Variants in PLK4 observed in about 807,000 individuals in gnomAD.
The protein encoded by PLK4 is serine/threonine-protein kinase PLK4.
In PLK4, 51 loss-of-function variants were observed where a neutral mutation model predicts 103.0. The ratio of observed to expected loss-of-function variants is 0.50; its 90% CI spans 0.40 to 0.63. PLK4 has a LOEUF of 0.63. PLK4 is among the 20% of genes least tolerant of loss of function. The pLI is 0.00. For synonymous variants in PLK4, 389 were observed against 376.8 expected (o/e 1.03, Z -0.38); for missense variants, 1,054 against 1,151.0 (o/e 0.92, Z 1.22).
Position 127,891,144 on chromosome 4 carries a change from C to T in PLK4, c.1883C>T (p.Ala628Val). 2 of 1,594,612 alleles carry T rather than the reference C, an allele frequency of 1.3e-6. No homozygotes were observed. Among genetic ancestry groups the T allele is most frequent in the Non-Finnish European group, 8.6e-7 (1 of 1,167,024 alleles). ...EVCVELVKEY[A>V]SQEYVKEVLQ... Reference sequence around the variant, plus strand: ...TGTGTGGAGCTTGTAAAGGAGTATGCATCTCAAGAATATGTGAAAGAAGTT... The same window carrying T: ...TGTGTGGAGCTTGTAAAGGAGTATGTATCTCAAGAATATGTGAAAGAAGTT... Residue 628 changes from alanine (A) to valine (V), a missense_variant, in exon 8 of 16, where the codon GCA (alanine) becomes GTA (valine). Physicochemically the swap from Ala to Val is moderately conservative, Grantham distance 64. Transcript: ENST00000270861.
intron 15 of PLK4, among the ~76,000 whole-genome samples, chr4:127,897,358 A>G (rs1259019390): frequency 6.6e-6 from 1 of 152,244 alleles, no homozygotes; most frequent in Admixed American, 6.5e-5. Context: ...TTGAATGTGT[A>G]TATTCATTCT....
In PLK4 at chr4:127,890,156, A is replaced by G; in HGVS notation, c.1750A>G (p.Asn584Asp). The G allele has an allele frequency of 1.9e-6, 3 of 1,613,972 alleles. No homozygotes were observed. The highest frequency in any genetic ancestry group is 2.5e-6 in the Non-Finnish European group (3 of 1,179,832). The stretch of plus-strand genomic sequence containing the variant: ...TATGGAGCCACCATGGGGTTATCAG[A>G]ATCGTACATTAAGAAGCATTACATC... ...RGMEPPWGYQ[N>D]RTLRSITSPL... is the part of the protein sequence containing the mutation. The change falls in exon 7 of 16, where the codon AAT (asparagine) becomes GAT (aspartate). Residue 584 changes from asparagine (N) to aspartate (D), a missense_variant. Physicochemically the swap from Asn to Asp is conservative, Grantham distance 23. Transcript: ENST00000270861.
intron 2 of PLK4, among the ~76,000 whole-genome samples, 193 bp from the exon 3 acceptor site, chr4:127,883,069 G>T (rs553474447): frequency 1.3e-5 from 2 of 152,206 alleles, no homozygotes; most frequent in East Asian, 3.9e-4. Context: ...AGAATTAATT[G>T]GTCAAACTTT....
intron 6 of PLK4, 83 bp from the exon 7 acceptor site, chr4:127,889,783 T>C (rs2148820399): frequency 1.0e-6 from 1 of 962,916 alleles, no homozygotes; most frequent in Admixed American, 2.7e-5. Context: ...CAAAAAATGC[T>C]ATTACAATCA....
In PLK4 at chr4:127,886,573, A is replaced by G; in HGVS notation, c.1203A>G (p.Ser401=). The change falls in exon 5 of 16, where the codon TCA becomes TCG. Residue 401 remains serine (S), a synonymous_variant. Transcript: ENST00000270861. ...CATATACAATGGAACGATGTCACTC[A>G]GCAGAAATGCTTTCAGTGTCCAAAA... ...AKTYTMERCH[S]AEMLSVSKRS... 2 of 1,614,182 alleles carry G rather than the reference A, an allele frequency of 1.2e-6. No homozygotes were observed. The highest frequency in any genetic ancestry group is 1.7e-5 in the Admixed American group (1 of 60,026).
rs748169670 is a variant in PLK4 at position 127,889,925 on chromosome 4, C to T, written c.1519C>T (p.His507Tyr). 12 of 1,613,602 alleles carry T rather than the reference C, an allele frequency of 7.4e-6. No homozygotes were observed. Among genetic ancestry groups the T allele is most frequent in the South Asian group, 1.1e-5 (1 of 91,054 alleles). Residue 507 changes from histidine (H) to tyrosine (Y), a missense_variant, in exon 7 of 16, where the codon CAT becomes TAT. By Grantham distance (83) the His-to-Tyr change is moderately conservative (BLOSUM62 2). Coordinates refer to ENST00000270861, the MANE Select transcript of PLK4 (RefSeq NM_014264.5). ...SISPNRDFQG[H>Y]PDLQKDTSKN... ...CAGCCCAAACCGGGACTTCCAGGGCCATCCAGATTTGCAGAAGGACACATC... is the reference window on the plus strand; with the variant it reads ...CAGCCCAAACCGGGACTTCCAGGGCTATCCAGATTTGCAGAAGGACACATC...
At chr4:127,881,776 C>T (rs1397711513) in intron 1 of PLK4, 55 bp from the exon 2 acceptor site, 9 of 1,045,118 alleles carry the variant, frequency 8.6e-6, no homozygotes, top group Admixed American at 1.8e-5. Flanking sequence ...AGCCCCTTCC[C>T]ATCTTCCTTT....
intron 6 of PLK4, among the ~76,000 whole-genome samples, chr4:127,888,281 C>G (rs1185431471): frequency 6.8e-6 from 1 of 146,122 alleles, no homozygotes; most frequent in African/African-American, 2.5e-5. Context: ...CAGCCACTGT[C>G]CTTAATGTTT....
In PLK4 at chr4:127,883,521, A is replaced by C; in HGVS notation, c.305A>C (p.Lys102Thr). The C allele has an allele frequency of 6.5e-7, 1 of 1,534,864 alleles. No individual in the cohort carries two copies. The highest frequency in any genetic ancestry group is 1.1e-5 in the South Asian group (1 of 88,830). The part of the protein sequence containing the change: ...CHNGEMNRYL[K>T]NRVKPFSENE... ...AATGGAGAAATGAACAGGTATCTAAAGAATAGAGTGAAACCCTTCTCAGAA... is the reference window on the plus strand; with the variant it reads ...AATGGAGAAATGAACAGGTATCTAACGAATAGAGTGAAACCCTTCTCAGAA... Residue 102 changes from lysine to threonine, a missense_variant, in exon 4 of 16, where the codon AAG (lysine) becomes ACG (threonine). By Grantham distance (78) the Lys-to-Thr change is moderately conservative. This residue lies in a region of PLK4 where 199 missense variants were observed against 270.1 expected (regional missense o/e 0.74). Transcript: ENST00000270861.
At chr4:127,893,127 T>G in intron 10 of PLK4, 158 bp from the exon 11 acceptor site, 1 of 482,322 alleles carries the variant, frequency 2.1e-6, no homozygotes, top group Non-Finnish European at 3.6e-6. Flanking sequence ...TCCATATTTA[T>G]TGAATGCTTT....
At chr4:127,894,492 T>C (rs1199118504) in intron 13 of PLK4, among the ~76,000 whole-genome samples, 1 of 151,960 alleles carries the variant, frequency 6.6e-6, no homozygotes. Context: ...CCTCCCAAAG[T>C]GCTGGGATTA....
At chr4:127,892,313 G>T (rs1438270182) in intron 9 of PLK4, 52 bp from the exon 10 acceptor site, 2 of 1,174,600 alleles carry the variant, frequency 1.7e-6, no homozygotes, top group Admixed American at 2.4e-5. Flanking sequence ...AGATAAAACT[G>T]TATGTCAGGT....
rs70966059 is a variant in PLK4, at chr4:127,895,452, CTTTTTTTTTTTTTTTT to C, written c.2703+372_2703+387del. 3.5e-4 allele frequency among the ~76,000 whole-genome samples: 23 copies of C among 65,194 alleles called. No individual in the cohort carries two copies. In the South Asian group the frequency reaches 4.4e-3, roughly 12 times the overall value. 42.8% of individuals were successfully genotyped at this position (65,194 alleles called of 152,430 possible). On this transcript the variant is annotated intron_variant, in intron 14 of 15. Transcript: ENST00000270861. ...TAATCAATATTAGTAGAGTAACTTT[CTTTTTTTTTTTTTTTT>C]TTTTTTTTTTTTGAGACAAAGTCTC... is the stretch of plus-strand genomic sequence containing the variant.
intron 9 of PLK4, 124 bp downstream of exon 9, chr4:127,891,805 T>G (rs910074990): frequency 2.5e-6 from 1 of 392,472 alleles, no homozygotes; most frequent in Non-Finnish European, 4.6e-6. Flanking sequence ...TATCATATTC[T>G]TGTACTTTGT....
Position 127,892,465 on chromosome 4 carries a change from T to G in PLK4, c.2139T>G (p.Ile713Met), listed in dbSNP as rs529984614. 4 of 1,600,820 alleles carry G rather than the reference T, an allele frequency of 2.5e-6. No homozygotes were observed. The highest frequency in any genetic ancestry group is 2.2e-5 in the South Asian group (2 of 89,716). The part of the protein sequence containing the change: ...ITYFTRYAKC[I>M]LMENSPGADF... ...ATTTTACAAGATATGCTAAATGCAT[T>G]TTGATGGAGAATTCTCCTGGTGCTG... The change falls in exon 10 of 16, where the codon ATT (isoleucine) becomes ATG (methionine). Residue 713 changes from isoleucine (I) to methionine (M), a missense_variant. Around this residue, in one of 4 missense-constraint regions of PLK4, gnomAD observed 680 missense variants for 660.3 expected, o/e 1.03. Coordinates refer to ENST00000270861, the MANE Select transcript of PLK4 (RefSeq NM_014264.5).
At chr4:127,897,499 C>T (rs752323188) in intron 15 of PLK4, among the ~76,000 whole-genome samples, 12 of 152,300 alleles carry the variant, frequency 7.9e-5, no homozygotes, top group Non-Finnish European at 1.5e-4. Flanking sequence ...CCAATGCAGG[C>T]GTTCTCTTTT....
chr4:127,897,824 C>CTTTTGTTTTTTTTTTT (rs1735626971), intron 15 of PLK4, among the ~76,000 whole-genome samples: 2 of 28,802 alleles, frequency 6.9e-5, no homozygotes, highest in East Asian at 4.5e-4. Flanking sequence ...AGAATTAGGG[C>CTTTTGTTTTTTTTTTT]TTTTTTTTTT....
chr4:127,885,703 A>G lies in PLK4; in HGVS notation c.338-5A>G. On this transcript the variant is annotated splice_polypyrimidine_tract_variant and splice_region_variant and intron_variant, in intron 4 of 15. Coordinates refer to ENST00000270861, the MANE Select transcript of PLK4 (RefSeq NM_014264.5). ...TGTAAATTCTCTTTTTTAAAATCCT[A>G]ACAGCTCGACACTTCATGCACCAGA... 1 of 1,587,362 alleles carries G rather than the reference A, an allele frequency of 6.3e-7. No homozygotes were observed. Among genetic ancestry groups the G allele is most frequent in the Non-Finnish European group, 8.6e-7 (1 of 1,168,324 alleles).
chr4:127,886,490 C>T lies in PLK4; in HGVS notation c.1120C>T (p.Arg374Cys), dbSNP rs1329334486. 1.5e-5 allele frequency: 24 copies of T among 1,613,684 alleles called. No homozygotes were observed. Among genetic ancestry groups the T allele is most frequent in the Non-Finnish European group, 1.9e-5 (23 of 1,179,728 alleles). ...AGAAAGGCCACATTCTCGATACCTTCGTAGAGCTTATTCCTCTGATAGATC... is the reference window on the plus strand; with the variant it reads ...AGAAAGGCCACATTCTCGATACCTTTGTAGAGCTTATTCCTCTGATAGATC... ...AEERPHSRYLRRAYSSDRSGT... is the reference protein window; with the variant it reads ...AEERPHSRYLCRAYSSDRSGT... Residue 374 changes from arginine (R) to cysteine (C), a missense_variant, in exon 5 of 16, where the codon CGT (arginine) becomes TGT (cysteine). By Grantham distance (180) the Arg-to-Cys change is radical. Transcript: ENST00000270861.
Sources: allele counts gnomAD v4.1 joint callset (sites outside exome capture counted in the v4.1 genomes callset), GRCh38; gene constraint gnomAD v4.1.1; regional missense constraint gnomAD v4.1.1; transcripts MANE v1.5; gene names NCBI Gene and HGNC (gene_info 2026-07-23, HGNC 2026-07-21).